DLG2: variants seen among roughly 807,000 people sequenced by gnomAD.
DLG2 encodes the protein disks large homolog 2.
In DLG2, 45 loss-of-function variants were observed where a neutral mutation model predicts 132.5. The observed-to-expected ratio is 0.34, with a 90% confidence interval of 0.27 to 0.44. The LOEUF (loss-of-function observed/expected upper bound fraction) is 0.44. Among genes scored for constraint, DLG2 ranks in the 20% least tolerant of loss-of-function variants. The pLI is 1.00. For synonymous variants in DLG2, 424 were observed against 419.6 expected, an observed-to-expected ratio of 1.01 and a Z score of -0.13; for missense variants, 1,045 against 1,196.9, an observed-to-expected ratio of 0.87 and a Z score of 1.87.
At chr11:83,682,985 C>T (rs1299367594) in intron 18 of DLG2, among the ~76,000 whole-genome samples, 1 of 152,078 alleles carries the variant, frequency 6.6e-6, no homozygotes, top group African/African-American at 2.4e-5. Context: ...AGTACAGTGC[C>T]TTTCTATTCT....
intron 11 of DLG2, among the ~76,000 whole-genome samples, chr11:83,998,190 C>T (rs970904408): frequency 6.6e-6 from 1 of 152,078 alleles, no homozygotes; most frequent in African/African-American, 2.4e-5. Context: ...GAGGAGCACA[C>T]TCTGGTCTTG....
intron 18 of DLG2, among the ~76,000 whole-genome samples, chr11:83,703,102 C>A (rs2083254402): frequency 6.6e-6 from 1 of 152,170 alleles, no homozygotes; most frequent in Non-Finnish European, 1.5e-5. Context: ...CATGCTCTTG[C>A]CTTTTAACCC....
chr11:85,468,083 C>T (rs959139793), intron 3 of DLG2, among the ~76,000 whole-genome samples: 2 of 152,044 alleles, frequency 1.3e-5, no homozygotes, highest in Non-Finnish European at 2.9e-5. Context: ...TCTAGATTTT[C>T]TAGTTTATTT....
intron 6 of DLG2, among the ~76,000 whole-genome samples, chr11:84,883,661 T>G (rs985100367): frequency 6.6e-6 from 1 of 152,114 alleles, no homozygotes. Context: ...GCCTAAACCA[T>G]CATTGCTAAA....
At chr11:84,741,450 G>A (rs2064659686) in intron 6 of DLG2, among the ~76,000 whole-genome samples, 1 of 151,696 alleles carries the variant, frequency 6.6e-6, no homozygotes, top group South Asian at 2.1e-4. Flanking sequence ...ACGTACCCTT[G>A]ATCTAAGAAA....
At chr11:84,491,592 T>G (rs2099165364) in intron 7 of DLG2, among the ~76,000 whole-genome samples, 1 of 151,874 alleles carries the variant, frequency 6.6e-6, no homozygotes, top group African/African-American at 2.4e-5. Context: ...TCTAACTGGG[T>G]TTCTAATATG....
chr11:85,201,511 C>T (rs1257454170), intron 4 of DLG2, among the ~76,000 whole-genome samples: 1 of 152,124 alleles, frequency 6.6e-6, no homozygotes, highest in East Asian at 1.9e-4. Flanking sequence ...AATCTCAAAG[C>T]CCACGCAAGA....
chr11:85,308,742 T>C (rs2080126881), intron 3 of DLG2, among the ~76,000 whole-genome samples: 1 of 152,152 alleles, frequency 6.6e-6, no homozygotes, highest in Non-Finnish European at 1.5e-5. Context: ...CTAACTAATA[T>C]GCAAAATTAT....
chr11:84,445,712 C>T (rs1055735615), intron 7 of DLG2, among the ~76,000 whole-genome samples: 8 of 151,684 alleles, frequency 5.3e-5, no homozygotes, highest in Admixed American at 4.6e-4. Context: ...CTCAGGAGAT[C>T]GAGACCATCC....
intron 6 of DLG2, among the ~76,000 whole-genome samples, chr11:84,985,384 T>G (rs967189299): frequency 5.3e-5 from 8 of 152,002 alleles, no homozygotes; most frequent in Admixed American, 5.2e-4. Context: ...GATCATTGGA[T>G]CAAAAATGAA....
intron 15 of DLG2, among the ~76,000 whole-genome samples, chr11:83,893,370 C>G (rs2070563893): frequency 2.0e-5 from 3 of 152,204 alleles, no homozygotes; most frequent in Admixed American, 2.0e-4. Flanking sequence ...CACTGTCTGT[C>G]TTTTGTTGCT....
chr11:84,161,976 C>A (rs183336014), intron 9 of DLG2, among the ~76,000 whole-genome samples: 1 of 152,014 alleles, frequency 6.6e-6, no homozygotes, highest in Non-Finnish European at 1.5e-5. Flanking sequence ...TAAGTTTCAA[C>A]GTATATTTTG....
chr11:84,011,942 T>C (rs1352510082), intron 11 of DLG2, among the ~76,000 whole-genome samples: 1 of 152,122 alleles, frequency 6.6e-6, no homozygotes, highest in African/African-American at 2.4e-5. Flanking sequence ...AAAAATATAA[T>C]GTGGATTGTA....
intron 7 of DLG2, among the ~76,000 whole-genome samples, chr11:84,288,217 T>G (rs1376256992): frequency 6.6e-6 from 1 of 152,004 alleles, no homozygotes. Flanking sequence ...TAATAATTAA[T>G]AATAATATTA....
intron 6 of DLG2, among the ~76,000 whole-genome samples, chr11:84,723,857 A>G (rs1171399180): frequency 6.6e-6 from 1 of 152,178 alleles, no homozygotes; most frequent in African/African-American, 2.4e-5. Flanking sequence ...CATCACAACA[A>G]TACACTATTA....
At chr11:84,937,229 AT>A (rs1210954304) in intron 6 of DLG2, among the ~76,000 whole-genome samples, 2 of 152,108 alleles carry the variant, frequency 1.3e-5, no homozygotes, top group Non-Finnish European at 2.9e-5. Context: ...TTCCATCATA[AT>A]CATTTAATGA....
intron 5 of DLG2, among the ~76,000 whole-genome samples, chr11:85,121,326 TA>T (rs1157102255): frequency 4.0e-5 from 6 of 151,446 alleles, no homozygotes; most frequent in Non-Finnish European, 5.9e-5. Flanking sequence ...TAACTCACTT[TA>T]ATGTTTTCAT....
At chr11:84,709,040 G>A (rs551647474) in intron 6 of DLG2, among the ~76,000 whole-genome samples, 1 of 152,006 alleles carries the variant, frequency 6.6e-6, no homozygotes, top group Non-Finnish European at 1.5e-5. Flanking sequence ...ACACATTACT[G>A]AATCTGTGCT....
intron 9 of DLG2, among the ~76,000 whole-genome samples, chr11:84,128,269 C>G (rs1203573043): frequency 6.6e-6 from 1 of 152,116 alleles, no homozygotes; most frequent in African/African-American, 2.4e-5. Context: ...ATTTGTCTAG[C>G]TAGTTGTATC....
Sources: gnomAD v4.1 joint callset for allele counts (sites outside exome capture counted in the v4.1 genomes callset) on GRCh38, gnomAD v4.1.1 for gene constraint, MANE v1.5 for transcripts, NCBI Gene and HGNC (gene_info 2026-07-23, HGNC 2026-07-21) for gene names.